HSD17B2: variants seen among roughly 807,000 people sequenced by gnomAD.
HSD17B2 encodes 17-beta-hydroxysteroid dehydrogenase type 2.
A neutral mutation model predicts 26.9 loss-of-function variants in HSD17B2; 32 were observed. The ratio of observed to expected loss-of-function variants is 1.19; its 90% CI spans 0.90 to 1.60. HSD17B2 has a LOEUF of 1.60. Among genes scored for constraint, HSD17B2 ranks in the 40% most tolerant of loss-of-function variants. HSD17B2 has a pLI of 0.00. For missense variants in HSD17B2, 613 were observed against 468.6 expected (o/e 1.31, Z -2.85); for synonymous variants, 246 against 186.7 (o/e 1.32, Z -2.59).
chr16:82,083,674 A>G (rs1277344269), intron 3 of HSD17B2, among the ~76,000 whole-genome samples: 2 of 152,160 alleles, frequency 1.3e-5, no homozygotes, highest in Admixed American at 6.6e-5. Context: ...TTAATCTGCC[A>G]GCTGCTGGTA....
rs373854262 is a variant in HSD17B2, at chr16:82,035,566, T to G, written c.142T>G (p.Cys48Gly). Reference protein sequence around the residue: ...MVCLAGLCAVCLLILSPFWGL... With the variant: ...MVCLAGLCAVGLLILSPFWGL... ...CTGCCTGGCAGGCCTCTGTGCAGTCTGCCTGCTCATCCTGTCCCCTTTTTG... is the reference window on the plus strand; with the variant it reads ...CTGCCTGGCAGGCCTCTGTGCAGTCGGCCTGCTCATCCTGTCCCCTTTTTG... Residue 48 changes from cysteine to glycine, a missense_variant, in exon 1 of 5, where the codon TGC (cysteine) becomes GGC (glycine). By Grantham distance (159) the Cys-to-Gly change is radical. Transcript: ENST00000199936. 6.2e-7 allele frequency: 1 copy of G among 1,614,016 alleles called. No individual in the cohort carries two copies. The highest frequency in any genetic ancestry group is 1.3e-5 in the African/African-American group (1 of 74,920).
chr16:82,077,863 C>G (rs1292132222), intron 3 of HSD17B2, among the ~76,000 whole-genome samples: 1 of 151,966 alleles, frequency 6.6e-6, no homozygotes, highest in African/African-American at 2.4e-5. Context: ...GAAACTAGAT[C>G]CCTGTCTCTT....
At chr16:82,066,626 T>A (rs1007137649) in intron 1 of HSD17B2, among the ~76,000 whole-genome samples, 10 of 152,160 alleles carry the variant, frequency 6.6e-5, no homozygotes, top group Admixed American at 3.3e-4. Flanking sequence ...ACTTAGGGAA[T>A]CTCTCCTTCC....
chr16:82,048,502 G>T (rs1009299453), intron 1 of HSD17B2, among the ~76,000 whole-genome samples: 2 of 152,110 alleles, frequency 1.3e-5, no homozygotes, highest in Non-Finnish European at 2.9e-5. Context: ...AGGAGAAGAT[G>T]GGGAATTAGC....
chr16:82,061,134 A>G (rs1466815962), intron 1 of HSD17B2, among the ~76,000 whole-genome samples: 2 of 151,850 alleles, frequency 1.3e-5, no homozygotes, highest in Non-Finnish European at 2.9e-5. Context: ...TGGCAGGTGC[A>G]TGTAATCCCA....
At chr16:82,068,945 G>A (rs1176248277) in intron 2 of HSD17B2, among the ~76,000 whole-genome samples, 2 of 152,112 alleles carry the variant, frequency 1.3e-5, no homozygotes, top group African/African-American at 4.8e-5. Flanking sequence ...TGGGTTACAC[G>A]TGCAGGATGT....
chr16:82,091,113 G>T lies in HSD17B2; in HGVS notation c.802+74G>T, dbSNP rs1316258113. 7 of 1,410,052 alleles carry T rather than the reference G, an allele frequency of 5.0e-6. No individual in the cohort carries two copies. In the East Asian group the frequency reaches 1.6e-4, roughly 32 times the overall value. 87.3% of individuals were successfully genotyped at this position (1,410,052 alleles called of 1,614,324 possible). On this transcript the variant is annotated intron_variant, in intron 4 of 4. Transcript: ENST00000199936. ...CCGAAGGTCCTCTTGGTCTGACAGA[G>T]CACACATTGAACCCCTCATTGTTGT...
intron 1 of HSD17B2, among the ~76,000 whole-genome samples, chr16:82,059,419 C>T (rs760980012): frequency 1.3e-5 from 2 of 152,188 alleles, no homozygotes; most frequent in African/African-American, 2.4e-5. Context: ...GCTCTCAATC[C>T]TGGCTGAAGT....
intron 4 of HSD17B2, chr16:82,096,692 G>A (rs1464065938): frequency 2.6e-5 from 4 of 152,028 alleles, no homozygotes; most frequent in Non-Finnish European, 4.4e-5. Flanking sequence ...AGTGTCTGTG[G>A]CAGCAGCATT....
At chr16:82,036,927 T>C (rs545862338) in intron 1 of HSD17B2, among the ~76,000 whole-genome samples, 14 of 152,350 alleles carry the variant, frequency 9.2e-5, no homozygotes, top group African/African-American at 3.1e-4. Context: ...TGTTCTGTTA[T>C]GAAACCTTAG....
At chr16:82,053,314 G>A (rs1914164542) in intron 1 of HSD17B2, among the ~76,000 whole-genome samples, 1 of 152,216 alleles carries the variant, frequency 6.6e-6, no homozygotes, top group African/African-American at 2.4e-5. Context: ...GAGAAGATTT[G>A]GAAGAGGCAC....
intron 4 of HSD17B2, chr16:82,096,716 T>C (rs1315513173): frequency 2.0e-5 from 3 of 152,106 alleles, no homozygotes; most frequent in South Asian, 2.1e-4. Context: ...AAAGGCCCAG[T>C]TGAAAATAAG....
intron 1 of HSD17B2, among the ~76,000 whole-genome samples, chr16:82,049,732 C>T (rs8191092): frequency 2.0e-5 from 3 of 152,212 alleles, no homozygotes; most frequent in South Asian, 2.1e-4. Flanking sequence ...AGACTACAAG[C>T]AGTTCATTGT....
chr16:82,051,568 G>A (rs1386668358), intron 1 of HSD17B2, among the ~76,000 whole-genome samples: 2 of 151,954 alleles, frequency 1.3e-5, no homozygotes, highest in African/African-American at 4.8e-5. Flanking sequence ...GCCTATTGGG[G>A]TGGGGGTGAG....
intron 2 of HSD17B2, among the ~76,000 whole-genome samples, chr16:82,068,795 C>A (rs770071446): frequency 5.3e-5 from 8 of 152,200 alleles, no homozygotes; most frequent in Admixed American, 3.9e-4. Flanking sequence ...CTCCACGGAA[C>A]CCTGTAGCTC....
At chr16:82,074,410 C>T (rs546678363) in intron 3 of HSD17B2, among the ~76,000 whole-genome samples, 1 of 152,146 alleles carries the variant, frequency 6.6e-6, no homozygotes, top group East Asian at 1.9e-4. Context: ...AACAAGAAAT[C>T]AAGTAACAAT....
chr16:82,081,643 T>A (rs966476951), intron 3 of HSD17B2, among the ~76,000 whole-genome samples: 3 of 152,200 alleles, frequency 2.0e-5, no homozygotes, highest in African/African-American at 7.2e-5. Flanking sequence ...TTAAATAAAA[T>A]AATTCTCACA....
intron 1 of HSD17B2, among the ~76,000 whole-genome samples, chr16:82,055,554 T>C (rs1372635402): frequency 6.6e-6 from 1 of 152,128 alleles, no homozygotes; most frequent in Non-Finnish European, 1.5e-5. Context: ...GTAGCACATA[T>C]GTGAGATGAT....
intron 1 of HSD17B2, among the ~76,000 whole-genome samples, chr16:82,059,118 C>G (rs988459756): frequency 9.2e-5 from 14 of 152,146 alleles, no homozygotes; most frequent in African/African-American, 3.4e-4. Context: ...AAGGAGGAAA[C>G]TGGAGTTCTC....
Sources: allele counts gnomAD v4.1 joint callset (sites outside exome capture counted in the v4.1 genomes callset), GRCh38; gene constraint gnomAD v4.1.1; transcripts MANE v1.5; gene names NCBI Gene and HGNC (gene_info 2026-07-23, HGNC 2026-07-21).